The following PAN3 variants were observed in gnomAD, a reference collection of about 807,000 sequenced individuals.
The protein encoded by PAN3 is PAN2-PAN3 deadenylation complex subunit PAN3.
A neutral mutation model predicts 96.2 loss-of-function variants in PAN3; 19 were observed. The ratio of observed to expected loss-of-function variants is 0.20; its 90% CI spans 0.14 to 0.29. PAN3 has a LOEUF of 0.29. Ranked by LOEUF, PAN3 falls within the 10% of genes least tolerant of loss-of-function variation. The pLI, the probability that PAN3 is intolerant of heterozygous loss-of-function variation, is 1.00. For synonymous variants in PAN3, 433 were observed against 406.6 expected, an observed-to-expected ratio of 1.06 and a Z score of -0.78; for missense variants, 882 against 1,108.1, an observed-to-expected ratio of 0.80 and a Z score of 2.90.
chr13:28,283,184 G>A (rs991818596), intron 17 of PAN3, among the ~76,000 whole-genome samples: 1 of 152,020 alleles, frequency 6.6e-6, no homozygotes, highest in African/African-American at 2.4e-5. Flanking sequence ...GTGTAGCTGG[G>A]ATTACAGGCG....
At chr13:28,227,835 T>G (rs1278484738) in intron 6 of PAN3, among the ~76,000 whole-genome samples, 3 of 152,202 alleles carry the variant, frequency 2.0e-5, no homozygotes, top group Non-Finnish European at 4.4e-5. Flanking sequence ...CATGGCTCCC[T>G]TTGTTTCATA....
At chr13:28,153,117 T>C (rs1216450298) in intron 1 of PAN3, among the ~76,000 whole-genome samples, 1 of 152,118 alleles carries the variant, frequency 6.6e-6, no homozygotes, top group Non-Finnish European at 1.5e-5. Flanking sequence ...GTAAGGGTGT[T>C]ATCCATATAG....
At chr13:28,218,899 T>C (rs1881092054) in intron 5 of PAN3, among the ~76,000 whole-genome samples, 4 of 152,196 alleles carry the variant, frequency 2.6e-5, no homozygotes, top group African/African-American at 9.6e-5. Flanking sequence ...TTTTGGACTA[T>C]TTTATCAAGA....
chr13:28,265,193 C>T (rs1300017126), intron 9 of PAN3, among the ~76,000 whole-genome samples: 1 of 152,188 alleles, frequency 6.6e-6, no homozygotes, highest in Non-Finnish European at 1.5e-5. Flanking sequence ...AAAGTTACAG[C>T]TATTTCACTT....
chr13:28,181,303 G>A (rs902809091), intron 4 of PAN3, among the ~76,000 whole-genome samples: 7 of 152,034 alleles, frequency 4.6e-5, no homozygotes, highest in African/African-American at 1.7e-4. Flanking sequence ...GAGGTCAGGA[G>A]TTCAAGACTA....
chr13:28,228,408 T>C (rs922024753), intron 6 of PAN3, among the ~76,000 whole-genome samples: 1 of 152,192 alleles, frequency 6.6e-6, no homozygotes, highest in African/African-American at 2.4e-5. Flanking sequence ...TATAGGCATG[T>C]AAATCCTACT....
At chr13:28,200,632 A>G (rs545112369) in intron 5 of PAN3, among the ~76,000 whole-genome samples, 4 of 152,352 alleles carry the variant, frequency 2.6e-5, no homozygotes, top group African/African-American at 9.6e-5. Context: ...CTGTCTGCCA[A>G]ACATGGCATT....
At chr13:28,181,966 A>G (rs565346936) in intron 4 of PAN3, among the ~76,000 whole-genome samples, 12 of 152,240 alleles carry the variant, frequency 7.9e-5, no homozygotes, top group Non-Finnish European at 1.3e-4. Context: ...GAGTTAATAT[A>G]CAAGAGATTA....
rs1041408060 is a variant in PAN3 at position 28,294,200 on chromosome 13, T to A, written c.*1678T>A. The A allele has an allele frequency of 6.6e-6, 1 of 152,650 alleles. No homozygotes were observed. The highest frequency in any genetic ancestry group is 2.4e-5 in the African/African-American group (1 of 41,458). The allele number at this position is 152,650 out of a possible 1,614,324, so 9.5% of individuals were successfully genotyped here. ...AGTTGTTGAGTTAAAAAGAAAATTA[T>A]TGCATTTGATCTGGATGGATTTTAA... On this transcript the variant is annotated 3_prime_UTR_variant, in exon 19 of 19. Transcript: ENST00000380958.
At chr13:28,180,390 G>A (rs945433061) in intron 4 of PAN3, among the ~76,000 whole-genome samples, 3 of 152,150 alleles carry the variant, frequency 2.0e-5, no homozygotes, top group Non-Finnish European at 2.9e-5. Context: ...TGTGGGTACA[G>A]GTTGCATATA....
Position 28,138,686 on chromosome 13 carries a change from C to T in PAN3, c.29C>T (p.Pro10Leu). ...AACAGTGGCGGCGGCCTCCCGCCCC[C>T]CTCGGCCGCCGCCTCCCCTTCCTCC... is the stretch of plus-strand genomic sequence containing the variant. Reference protein sequence around the residue: MNSGGGLPPPSAAASPSSSS... With the variant: MNSGGGLPPLSAAASPSSSS... Residue 10 changes from proline (P) to leucine (L), a missense_variant, in exon 1 of 19, where the codon CCC (proline) becomes CTC (leucine). This residue lies in a region of PAN3 where 442 missense variants were observed against 422.8 expected (regional missense o/e 1.05). Coordinates refer to ENST00000380958, the MANE Select transcript of PAN3 (RefSeq NM_175854.8). 5 of 965,918 alleles carry T rather than the reference C, an allele frequency of 5.2e-6. No individual in the cohort carries two copies. The East Asian group carries it at 9.9e-5, about 19-fold the overall frequency. The allele number at this position is 965,918 out of a possible 1,614,324, so 59.8% of individuals were successfully genotyped here. A position where few individuals can be genotyped will look rare whatever the true frequency, so the allele number is the denominator to read the frequency against.
intron 1 of PAN3, among the ~76,000 whole-genome samples, chr13:28,154,446 C>T (rs1490195886): frequency 6.6e-6 from 1 of 151,942 alleles, no homozygotes; most frequent in East Asian, 1.9e-4. Flanking sequence ...GATATGACAA[C>T]TTCCTTAAGA....
At chr13:28,228,104 A>G (rs1882191105) in intron 6 of PAN3, among the ~76,000 whole-genome samples, 1 of 152,188 alleles carries the variant, frequency 6.6e-6, no homozygotes, top group African/African-American at 2.4e-5. Context: ...TGATACCCAG[A>G]GCAATGTGCC....
intron 6 of PAN3, among the ~76,000 whole-genome samples, chr13:28,247,121 G>A (rs1261937775): frequency 6.6e-6 from 1 of 151,684 alleles, no homozygotes; most frequent in African/African-American, 2.4e-5. Flanking sequence ...CTTTAACTGG[G>A]GTAATATGAT....
chr13:28,215,828 A>C, intron 5 of PAN3: 1 of 1,384,016 alleles, frequency 7.2e-7, no homozygotes, highest in Admixed American at 1.7e-5. Flanking sequence ...TCATCAAAGC[A>C]GTGGACAAGA....
chr13:28,260,515 C>T lies in PAN3; in HGVS notation c.1317C>T (p.Asn439=), dbSNP rs532689603. Residue 439 remains asparagine (N), a synonymous_variant, in exon 8 of 19, where the codon AAC becomes AAT. Coordinates refer to ENST00000380958, the MANE Select transcript of PAN3 (RefSeq NM_175854.8). Reference sequence around the variant, plus strand: ...TTGCTTATATGCAACCGAAAGCAAACGCACCTTCCTTCTTCATGGCTGATG... The same window carrying T: ...TTGCTTATATGCAACCGAAAGCAAATGCACCTTCCTTCTTCATGGCTGATG... ...PHVAYMQPKA[N]APSFFMADEL... 4.7e-5 allele frequency: 76 copies of T among 1,613,356 alleles called. No individual in the cohort carries two copies. The highest frequency in any genetic ancestry group is 5.5e-5 in the South Asian group (5 of 91,070).
chr13:28,157,855 C>T (rs1872405794), intron 1 of PAN3, among the ~76,000 whole-genome samples: 1 of 152,152 alleles, frequency 6.6e-6, no homozygotes. Flanking sequence ...AAAGACTGTT[C>T]TGAAATTCAT....
At chr13:28,165,751 GTCCAACCAA>G (rs1873460094) in intron 1 of PAN3, among the ~76,000 whole-genome samples, 1 of 152,144 alleles carries the variant, frequency 6.6e-6, no homozygotes. Flanking sequence ...CCAAGATCAA[GTCCAACCAA>G]GGTGGGTTGG....
intron 1 of PAN3, among the ~76,000 whole-genome samples, chr13:28,171,693 G>A (rs936220192): frequency 1.3e-5 from 2 of 152,146 alleles, no homozygotes; most frequent in Non-Finnish European, 2.9e-5. Flanking sequence ...CCACCCTCCT[G>A]GCTCATAAAT....
Sources: allele counts gnomAD v4.1 joint callset (sites outside exome capture counted in the v4.1 genomes callset), GRCh38; gene constraint gnomAD v4.1.1; regional missense constraint gnomAD v4.1.1; transcripts MANE v1.5; gene names NCBI Gene and HGNC (gene_info 2026-07-23, HGNC 2026-07-21).